IL1RAPL1: variants seen among roughly 807,000 people sequenced by gnomAD.
IL1RAPL1 encodes the protein interleukin 1 receptor accessory protein like 1, also known as interleukin-1 receptor accessory protein-like 1.
IL1RAPL1 carries 3 observed loss-of-function variants against 48.4 expected under a neutral mutation model. The observed-to-expected ratio is 0.06, with a 90% CI of 0.03 to 0.16. IL1RAPL1 has a LOEUF of 0.16. IL1RAPL1 is among the 10% of genes least tolerant of loss of function. The pLI is 1.00. For synonymous variants in IL1RAPL1, 185 were observed against 187.7 expected (o/e 0.99, Z 0.12); for missense variants, 349 against 530.6 (o/e 0.66, Z 3.36).
intron 6 of IL1RAPL1, among the ~76,000 whole-genome samples, chrX:29,687,033 C>T (rs1926646033): frequency 9.2e-6 from 1 of 109,142 alleles, no homozygotes; most frequent in African/African-American, 3.3e-5. Flanking sequence ...GGAGAATAAA[C>T]CCTTCCATAC....
At chrX:28,939,518 CAG>C (rs1170442649) in intron 2 of IL1RAPL1, among the ~76,000 whole-genome samples, 3 of 110,275 alleles carry the variant, frequency 2.7e-5, no homozygotes, top group South Asian at 3.9e-4. Context: ...ACAACAGACA[CAG>C]GGGCCTACTT....
chrX:28,889,257 A>G (rs1922715864), intron 2 of IL1RAPL1, among the ~76,000 whole-genome samples: 1 of 111,674 alleles, frequency 9.0e-6, no homozygotes, highest in East Asian at 2.8e-4. Flanking sequence ...ATTTGCATAA[A>G]GAGCATATTA....
intron 1 of IL1RAPL1, among the ~76,000 whole-genome samples, chrX:28,786,228 G>T (rs1202784693): frequency 2.7e-5 from 3 of 111,510 alleles, no homozygotes; most frequent in South Asian, 3.8e-4. Context: ...ACTTTGGGAG[G>T]CCAAGGCAGG....
At chrX:28,659,800 G>A (rs1349868783) in intron 1 of IL1RAPL1, among the ~76,000 whole-genome samples, 1 of 102,521 alleles carries the variant, frequency 9.8e-6, no homozygotes, top group Non-Finnish European at 2.0e-5. Context: ...AGAAAACCTG[G>A]GTTTCTTGGT....
At chrX:29,737,223 G>C (rs1384411081) in intron 6 of IL1RAPL1, among the ~76,000 whole-genome samples, 1 of 111,883 alleles carries the variant, frequency 8.9e-6, no homozygotes, top group East Asian at 2.8e-4. Flanking sequence ...TATTCTGAGG[G>C]TGTATACACA....
intron 2 of IL1RAPL1, among the ~76,000 whole-genome samples, chrX:29,075,663 T>A (rs1927653622): frequency 8.9e-6 from 1 of 112,265 alleles, no homozygotes; most frequent in Admixed American, 9.5e-5. Context: ...TAAAATGTTC[T>A]CTAGTTCAAC....
At chrX:28,643,547 A>T (rs73630068) in intron 1 of IL1RAPL1, among the ~76,000 whole-genome samples, 8,501 of 110,422 alleles carry the variant, frequency 0.077, 281 homozygotes, top group African/African-American at 0.13. Context: ...TTACCACACT[A>T]CCATTCCTTT....
chrX:29,559,490 T>C, intron 5 of IL1RAPL1, among the ~76,000 whole-genome samples: 1 of 112,221 alleles, frequency 8.9e-6, no homozygotes, highest in Non-Finnish European at 1.9e-5. Context: ...ACTTTATTAC[T>C]GATTCAGTCT....
chrX:29,302,462 AAGG>A (rs1332407492), intron 3 of IL1RAPL1, among the ~76,000 whole-genome samples: 2 of 111,861 alleles, frequency 1.8e-5, no homozygotes, highest in Non-Finnish European at 3.8e-5. Context: ...TGGATGAAAT[AAGG>A]AGATGAAAAA....
chrX:29,955,797 A>G lies in IL1RAPL1; in HGVS notation c.2068A>G (p.Ser690Gly). Residue 690 changes from serine to glycine, a missense_variant, in exon 11 of 11, where the codon AGT becomes GGT. Ser to Gly is a moderately conservative substitution (Grantham distance 56). Coordinates refer to ENST00000378993, the MANE Select transcript of IL1RAPL1 (RefSeq NM_014271.4). ...CCTGCCGCTGTTGCCAAGGGAGACC[A>G]GTATATCCAGTGTGATATGGTGACA... is the stretch of plus-strand genomic sequence containing the variant. ...AILPLLPRET[S>G]ISSVIW 1 of 1,209,064 alleles carries G rather than the reference A, an allele frequency of 8.3e-7. No homozygotes were observed. The highest frequency in any genetic ancestry group is 1.1e-6 in the Non-Finnish European group (1 of 893,434).
chrX:29,933,173 G>A (rs757455738), intron 8 of IL1RAPL1, among the ~76,000 whole-genome samples: 3 of 110,856 alleles, frequency 2.7e-5, no homozygotes, highest in East Asian at 2.8e-4. Context: ...ATCACACACC[G>A]GGGCCTGTCT....
chrX:29,810,271 C>A (rs1237365458), intron 6 of IL1RAPL1, among the ~76,000 whole-genome samples: 1 of 110,195 alleles, frequency 9.1e-6, no homozygotes, highest in East Asian at 2.8e-4. Context: ...GCTCACTGCA[C>A]CCTCCACCTC....
At chrX:29,361,854 G>A (rs774288362) in intron 3 of IL1RAPL1, among the ~76,000 whole-genome samples, 1 of 112,095 alleles carries the variant, frequency 8.9e-6, no homozygotes, top group East Asian at 2.8e-4. Context: ...TTCTACAAAC[G>A]TTGCAGTTGC....
chrX:29,217,056 C>T (rs1376309861), intron 2 of IL1RAPL1, among the ~76,000 whole-genome samples: 1 of 111,621 alleles, frequency 9.0e-6, no homozygotes, highest in Non-Finnish European at 1.9e-5. Flanking sequence ...TAATTGCCTA[C>T]GTGACTAGCT....
Position 29,217,560 on chromosome X carries a change from G to T in IL1RAPL1, c.83-65378G>T, listed in dbSNP as rs755698681. 7.2e-5 allele frequency among the ~76,000 whole-genome samples: 8 copies of T among 111,484 alleles called. No homozygotes were observed. The South Asian group carries it at 3.0e-3, about 41-fold the overall frequency. On this transcript the variant is annotated intron_variant, in intron 2 of 10. Coordinates refer to ENST00000378993, the MANE Select transcript of IL1RAPL1 (RefSeq NM_014271.4). ...TGATAATCTTGGTGAGGCACCTTGT[G>T]CATTGCCAGGTAGCTGCCAGGTATT...
intron 2 of IL1RAPL1, among the ~76,000 whole-genome samples, chrX:29,099,503 T>C (rs1928287784): frequency 8.9e-6 from 1 of 112,154 alleles, no homozygotes; most frequent in African/African-American, 3.2e-5. Context: ...ATTACAACTT[T>C]CATTTTCAGA....
At chrX:29,548,013 C>T (rs1279593738) in intron 5 of IL1RAPL1, among the ~76,000 whole-genome samples, 1 of 112,282 alleles carries the variant, frequency 8.9e-6, no homozygotes, top group Non-Finnish European at 1.9e-5. Context: ...TATTCATGCT[C>T]ACTTCTCTAT....
At chrX:29,215,255 A>G (rs1602115954) in intron 2 of IL1RAPL1, among the ~76,000 whole-genome samples, 1 of 109,531 alleles carries the variant, frequency 9.1e-6, no homozygotes, top group Admixed American at 9.8e-5. Context: ...AGGCAGGAGA[A>G]TTGCTTGAAC....
chrX:29,532,247 T>A (rs1323247490), intron 5 of IL1RAPL1, among the ~76,000 whole-genome samples: 1 of 112,019 alleles, frequency 8.9e-6, no homozygotes, highest in East Asian at 2.8e-4. Flanking sequence ...CTGACAAGGA[T>A]ATGACTGAGT....
Sources: gnomAD v4.1 joint callset for allele counts (sites outside exome capture counted in the v4.1 genomes callset) on GRCh38, gnomAD v4.1.1 for gene constraint, MANE v1.5 for transcripts, NCBI Gene and HGNC (gene_info 2026-07-23, HGNC 2026-07-21) for gene names.